Variants in SFI1 observed in about 807,000 individuals in gnomAD.
SFI1 encodes SFI1 centrin binding protein, also known as protein SFI1 homolog.
In SFI1, 195 loss-of-function variants were observed where a neutral mutation model predicts 207.5. The observed-to-expected ratio is 0.94, with a 90% CI of 0.84 to 1.06. SFI1 has a LOEUF of 1.06. Among genes scored for constraint, SFI1 ranks in the 50% least tolerant of loss-of-function variants. The pLI, the probability that SFI1 is intolerant of heterozygous loss-of-function variation, is 0.00. For missense variants in SFI1, 1,634 were observed against 1,588.0 expected, an observed-to-expected ratio of 1.03 and a Z score of -0.49; for synonymous variants, 630 against 598.9, an observed-to-expected ratio of 1.05 and a Z score of -0.76.
intron 24 of SFI1, chr22:31,612,137 G>A (rs554384729): frequency 2.3e-3 from 2,246 of 967,232 alleles, no homozygotes; most frequent in Non-Finnish European, 2.5e-3. Context: ...CCAGCACTTT[G>A]GGAGGCCGAG....
chr22:31,533,582 A>C (rs1006685763), intron 4 of SFI1, among the ~76,000 whole-genome samples: 9 of 152,004 alleles, frequency 5.9e-5, no homozygotes, highest in Admixed American at 2.0e-4. Context: ...AAGAAACAAA[A>C]AAAAAAAGAA....
At chr22:31,515,320 CGTGTGTGT>C (rs3068283) in intron 2 of SFI1, among the ~76,000 whole-genome samples, 2 of 150,164 alleles carry the variant, frequency 1.3e-5, no homozygotes, top group South Asian at 2.1e-4. Flanking sequence ...TCTCATTGTT[CGTGTGTGT>C]GTGTGTGTGT....
rs1390219972 is a variant in SFI1, at chr22:31,601,955, G to A, written c.1545-257G>A. ...CTACAGGCACACACCATCACACCCA[G>A]CAATTTTAAAATTTTTTTGTAGAGA... On this transcript the variant is annotated intron_variant, in intron 15 of 32. Coordinates refer to ENST00000400288, the MANE Select transcript of SFI1 (RefSeq NM_001007467.3). Among the ~76,000 whole-genome samples the A allele has an allele frequency of 2.9e-5, 4 of 140,344 alleles. 1 individual carries two copies. The highest frequency in any genetic ancestry group is 6.4e-5 in the Non-Finnish European group (4 of 62,142). The allele number at this position is 140,344 out of a possible 152,430, so 92.1% of individuals were successfully genotyped here.
chr22:31,498,062 A>T (rs1170513388), intron 1 of SFI1, among the ~76,000 whole-genome samples: 2 of 152,190 alleles, frequency 1.3e-5, no homozygotes, highest in African/African-American at 4.8e-5. Context: ...TGGGAGGCCG[A>T]GGCGGGTGGA....
intron 15 of SFI1, among the ~76,000 whole-genome samples, chr22:31,598,663 C>T (rs1321913310): frequency 2.7e-5 from 4 of 146,228 alleles, no homozygotes; most frequent in East Asian, 2.1e-4. Flanking sequence ...GTGATCCGCC[C>T]GCCTCGGCCT....
At chr22:31,519,225 A>G (rs2056902855) in intron 2 of SFI1, among the ~76,000 whole-genome samples, 1 of 151,694 alleles carries the variant, frequency 6.6e-6, no homozygotes, top group African/African-American at 2.4e-5. Context: ...AGGAATTAAG[A>G]CTGAAAACCA....
At chr22:31,503,045 A>G (rs1229784520) in intron 1 of SFI1, among the ~76,000 whole-genome samples, 1 of 98,862 alleles carries the variant, frequency 1.0e-5, no homozygotes. Flanking sequence ...ACAAAGCGAG[A>G]CTCTGTCTCA....
intron 9 of SFI1, among the ~76,000 whole-genome samples, chr22:31,574,406 G>T (rs1379712541): frequency 6.6e-6 from 1 of 152,148 alleles, no homozygotes; most frequent in African/African-American, 2.4e-5. Context: ...CCCCTTCCCA[G>T]GCCCTAGCTC....
chr22:31,546,131 A>G (rs1257717882), intron 4 of SFI1, among the ~76,000 whole-genome samples: 2 of 150,634 alleles, frequency 1.3e-5, no homozygotes, highest in East Asian at 3.9e-4. Context: ...CAGCAGTCCA[A>G]CTACCTCAGC....
intron 15 of SFI1, among the ~76,000 whole-genome samples, chr22:31,598,830 G>T (rs1450992104): frequency 2.9e-5 from 3 of 102,184 alleles, no homozygotes; most frequent in Non-Finnish European, 5.5e-5. Context: ...GTCTTGCTCT[G>T]TTGCCCAGGC....
At chr22:31,596,191 TAC>T (rs2067083291) in intron 15 of SFI1, among the ~76,000 whole-genome samples, 1 of 152,166 alleles carries the variant, frequency 6.6e-6, no homozygotes, top group Non-Finnish European at 1.5e-5. Context: ...AGGCAGAGGC[TAC>T]AGTGAGTTGA....
rs1367469123 is a variant in SFI1, at chr22:31,606,319, C to A, written c.2055-9C>A. On this transcript the variant is annotated splice_polypyrimidine_tract_variant and intron_variant, in intron 20 of 32. Coordinates refer to ENST00000400288, the MANE Select transcript of SFI1 (RefSeq NM_001007467.3). ...GTCATCTGCCTTCCTCGCACCCATG[C>A]ATCTGCAGCGGGGCATTACGTCGCT... The A allele has an allele frequency of 2.5e-6, 4 of 1,611,952 alleles. No individual in the cohort carries two copies. In the South Asian group the frequency reaches 4.4e-5, roughly 18 times the overall value.
chr22:31,613,989 C>T (rs1261792620), intron 27 of SFI1, 134 bp downstream of exon 27: 16 of 1,217,840 alleles, frequency 1.3e-5, no homozygotes, highest in Admixed American at 2.9e-5. Flanking sequence ...CTGCTGGGAA[C>T]CCCCTCTTCT....
chr22:31,529,912 T>C (rs1215784811), intron 3 of SFI1, among the ~76,000 whole-genome samples: 1 of 152,026 alleles, frequency 6.6e-6, no homozygotes, highest in Non-Finnish European at 1.5e-5. Flanking sequence ...GGCTCACGCC[T>C]GTAATCCCAG....
chr22:31,584,837 A>G (rs185678443), intron 13 of SFI1, among the ~76,000 whole-genome samples: 1 of 152,132 alleles, frequency 6.6e-6, no homozygotes, highest in African/African-American at 2.4e-5. Flanking sequence ...TCGGTGGTCT[A>G]ATTAGGTTTT....
rs771135776 is a variant in SFI1, at chr22:31,502,376, A to AT, written c.-31+5754dup. 6.2e-3 allele frequency among the ~76,000 whole-genome samples: 888 copies of AT among 143,206 alleles called. 3 individuals are homozygous for AT. Among genetic ancestry groups the AT allele is most frequent in the Admixed American group, 6.8e-3 (97 of 14,220 alleles). The allele number at this position is 143,206 out of a possible 152,430, so 93.9% of individuals were successfully genotyped here. On this transcript the variant is annotated intron_variant, in intron 1 of 32. Coordinates refer to ENST00000400288, the MANE Select transcript of SFI1 (RefSeq NM_001007467.3). ...TGAGGCTGGATGATATTCAGGTTCA[A>AT]TTTTTTTTTTTTTTTGAGATGGAGT...
chr22:31,566,625 T>C (rs1443773327), intron 8 of SFI1, among the ~76,000 whole-genome samples: 2 of 152,218 alleles, frequency 1.3e-5, no homozygotes, highest in Non-Finnish European at 2.9e-5. Context: ...AGAATTCTTA[T>C]CTGTAAGTAG....
At chr22:31,583,702 G>T (rs530170929) in intron 12 of SFI1, among the ~76,000 whole-genome samples, 173 bp from the exon 13 acceptor site, 11 of 152,212 alleles carry the variant, frequency 7.2e-5, no homozygotes, top group Non-Finnish European at 1.6e-4. Flanking sequence ...TTTTATGTTG[G>T]CCCAGAATAG....
intron 8 of SFI1, among the ~76,000 whole-genome samples, chr22:31,563,735 G>A (rs61408125): frequency 0.026 from 3,983 of 152,038 alleles, 188 homozygotes; most frequent in African/African-American, 0.092. Context: ...ACAGGCACGC[G>A]CCACCATGCC....
Sources: allele counts gnomAD v4.1 joint callset (sites outside exome capture counted in the v4.1 genomes callset), GRCh38; gene constraint gnomAD v4.1.1; transcripts MANE v1.5; gene names NCBI Gene and HGNC (gene_info 2026-07-23, HGNC 2026-07-21).